Variants in TMEM267 observed in about 807,000 individuals in gnomAD.
TMEM267 encodes the protein transmembrane protein 267.
TMEM267 carries 20 observed loss-of-function variants against 19.3 expected under a neutral mutation model. The observed-to-expected ratio is 1.04, with a 90% CI of 0.73 to 1.51. The LOEUF (loss-of-function observed/expected upper bound fraction) is 1.51, where lower values mean the gene tolerates loss of function less well. Among genes scored for constraint, TMEM267 ranks in the 40% most tolerant of loss-of-function variants. The probability of loss-of-function intolerance (pLI) is 0.00; values close to 1 mark genes in which losing one functional copy is unlikely to be tolerated. For missense variants in TMEM267, 242 were observed against 261.9 expected, an observed-to-expected ratio of 0.92 and a Z score of 0.52; for synonymous variants, 88 against 90.3, an observed-to-expected ratio of 0.97 and a Z score of 0.15.
At chr5:43,476,508 CTTTTTTTTTTTTTT>C (rs67848213) in intron 1 of TMEM267, among the ~76,000 whole-genome samples, 2 of 54,798 alleles carry the variant, frequency 3.6e-5, no homozygotes, top group East Asian at 6.5e-4. Flanking sequence ...AAAGCCAGAC[CTTTTTTTTTTTTTT>C]TTTTTTTTTT....
At chr5:43,453,352 C>T (rs112935753) in intron 2 of TMEM267, among the ~76,000 whole-genome samples, 3 of 152,284 alleles carry the variant, frequency 2.0e-5, no homozygotes, top group African/African-American at 4.8e-5. Context: ...TAATTTAAAC[C>T]GGTTTGCTAA....
intron 1 of TMEM267, among the ~76,000 whole-genome samples, chr5:43,468,011 C>T (rs755119809): frequency 6.6e-6 from 1 of 151,162 alleles, no homozygotes; most frequent in Non-Finnish European, 1.5e-5. Context: ...CATTTTGAGA[C>T]GAATTAAGAG....
intron 1 of TMEM267, among the ~76,000 whole-genome samples, chr5:43,463,236 C>A (rs942841187): frequency 6.6e-6 from 1 of 152,014 alleles, no homozygotes; most frequent in Non-Finnish European, 1.5e-5. Flanking sequence ...AAGACTAAAC[C>A]AAGAAGAAGT....
intron 1 of TMEM267, among the ~76,000 whole-genome samples, chr5:43,478,407 G>A (rs2112212455): frequency 6.6e-6 from 1 of 152,158 alleles, no homozygotes; most frequent in Non-Finnish European, 1.5e-5. Flanking sequence ...ATCAAATTTG[G>A]GATACTTATA....
intron 2 of TMEM267, 47 bp downstream of exon 2, chr5:43,453,611 G>A (rs755293659): frequency 1.3e-6 from 2 of 1,532,398 alleles, no homozygotes; most frequent in Admixed American, 1.9e-5. Context: ...CAGCAAAATA[G>A]TGCTAAGGAA....
At chr5:43,449,542 A>G (rs1038363457) in intron 2 of TMEM267, among the ~76,000 whole-genome samples, 2 of 152,204 alleles carry the variant, frequency 1.3e-5, no homozygotes, top group African/African-American at 4.8e-5. Context: ...CTTCAAGACA[A>G]TTTAGTAGAG....
intron 1 of TMEM267, among the ~76,000 whole-genome samples, chr5:43,471,295 C>A (rs1011338187): frequency 2.0e-5 from 3 of 151,676 alleles, no homozygotes; most frequent in Admixed American, 6.6e-5. Context: ...GAAGAGGACA[C>A]CAAAAAATTG....
chr5:43,484,282 T>A (rs372241136), upstream of TMEM267: 2 of 152,294 alleles, frequency 1.3e-5, no homozygotes, highest in South Asian at 4.1e-4. Context: ...GCTGGGAGCC[T>A]CGGCCGTCGC....
chr5:43,444,817 T>C lies in TMEM267; in HGVS notation c.*1405A>G, dbSNP rs1320690917. On this transcript the variant is annotated 3_prime_UTR_variant, in exon 3 of 3. Transcript: ENST00000397080. ...TTATACAATAATTACTCTTGAAAAA[T>C]AAGTAGACTGTAATATCTAATCAAT... 2 of 151,884 alleles carry C rather than the reference T, an allele frequency of 1.3e-5. No individual in the cohort carries two copies. The highest frequency in any genetic ancestry group is 3.9e-4 in the East Asian group (2 of 5,192). The allele number at this position is 151,884 out of a possible 1,614,324, so 9.4% of individuals were successfully genotyped here. A position where few individuals can be genotyped will look rare whatever the true frequency, so the allele number is the denominator to read the frequency against.
At chr5:43,477,354 C>T (rs953654333) in intron 1 of TMEM267, among the ~76,000 whole-genome samples, 2 of 151,948 alleles carry the variant, frequency 1.3e-5, no homozygotes, top group African/African-American at 4.8e-5. Flanking sequence ...TTTGGGAGGC[C>T]GAGGTGGGCG....
chr5:43,449,024 A>C (rs1399642764), intron 2 of TMEM267, among the ~76,000 whole-genome samples: 1 of 152,136 alleles, frequency 6.6e-6, no homozygotes, highest in Non-Finnish European at 1.5e-5. Context: ...TGGAAAAAAA[A>C]CAAAAACAAT....
chr5:43,467,641 T>G (rs1467129743), intron 1 of TMEM267, among the ~76,000 whole-genome samples: 2 of 152,190 alleles, frequency 1.3e-5, no homozygotes, highest in East Asian at 3.8e-4. Context: ...AGTTGGATAC[T>G]TTGACACCCC....
chr5:43,467,866 T>A (rs1274757682), intron 1 of TMEM267, among the ~76,000 whole-genome samples: 2 of 152,264 alleles, frequency 1.3e-5, no homozygotes, highest in Non-Finnish European at 2.9e-5. Flanking sequence ...AATGCAACCA[T>A]CTGTCTCTCA....
In TMEM267 at chr5:43,446,240, T is replaced by C; in HGVS notation, c.630A>G (p.Gly210=). The C allele has an allele frequency of 6.2e-7, 1 of 1,610,800 alleles. No homozygotes were observed. ...GTRQMMSSKH[G]VRIDV Reference sequence around the variant, plus strand: ...GTGTACCTCAGACATCAATACGAACTCCATGTTTTGAAGACATCATTTGTC... The same window carrying C: ...GTGTACCTCAGACATCAATACGAACCCCATGTTTTGAAGACATCATTTGTC... The change falls in exon 3 of 3, where the codon GGA becomes GGG. Residue 210 remains glycine (G), a synonymous_variant. Transcript: ENST00000397080.
At chr5:43,455,169 A>G (rs997479049) in intron 1 of TMEM267, among the ~76,000 whole-genome samples, 4 of 152,152 alleles carry the variant, frequency 2.6e-5, no homozygotes, top group Non-Finnish European at 5.9e-5. Flanking sequence ...TACACCTGTA[A>G]TCCCAACACT....
intron 1 of TMEM267, among the ~76,000 whole-genome samples, chr5:43,479,408 A>G (rs968903135): frequency 6.6e-6 from 1 of 152,024 alleles, no homozygotes; most frequent in African/African-American, 2.4e-5. Context: ...AAACCAATAA[A>G]GCTACTTTGA....
At chr5:43,454,195 C>T (rs1742794392) in intron 1 of TMEM267, among the ~76,000 whole-genome samples, 152 bp from the exon 2 acceptor site, 1 of 147,586 alleles carries the variant, frequency 6.8e-6, no homozygotes, top group African/African-American at 2.5e-5. Context: ...GTCACATAGC[C>T]CAAGGAGAAT....
At chr5:43,453,466 T>C (rs1267364355) in intron 2 of TMEM267, among the ~76,000 whole-genome samples, 192 bp downstream of exon 2, 2 of 152,250 alleles carry the variant, frequency 1.3e-5, no homozygotes, top group East Asian at 1.9e-4. Context: ...TAGCAGTTTG[T>C]GATGGCAAAT....
chr5:43,456,434 C>CT (rs35416543), intron 1 of TMEM267, among the ~76,000 whole-genome samples: 93,016 of 151,972 alleles, frequency 0.61, 31,168 homozygotes, highest in African/African-American at 0.89. Context: ...GTAAGTTGAA[C>CT]TTATCAAAAT....
Sources: allele counts gnomAD v4.1 joint callset (sites outside exome capture counted in the v4.1 genomes callset), GRCh38; gene constraint gnomAD v4.1.1; transcripts MANE v1.5; gene names NCBI Gene and HGNC (gene_info 2026-07-23, HGNC 2026-07-21).